ARB2A: variants seen among roughly 807,000 people sequenced by gnomAD.
The protein encoded by ARB2A is cotranscriptional regulator ARB2A.
chr5:93,945,393 C>T, the ARB2A span, among the ~76,000 whole-genome samples: 7 of 138,004 alleles, frequency 5.1e-5, no homozygotes, highest in African/African-American at 1.6e-4. Flanking sequence ...GCAGCCTGGG[C>T]GACAGAGCAA....
At chr5:93,868,278 C>A in the ARB2A span, among the ~76,000 whole-genome samples, 3 of 152,150 alleles carry the variant, frequency 2.0e-5, no homozygotes, top group Non-Finnish European at 4.4e-5. Context: ...TGTGATCATG[C>A]CACTGCACTC....
the ARB2A span, among the ~76,000 whole-genome samples, chr5:93,635,820 T>C: frequency 4.6e-5 from 7 of 152,206 alleles, no homozygotes; most frequent in African/African-American, 1.7e-4. Flanking sequence ...TACTGCCAAA[T>C]CATTTGGGGA....
At chr5:93,719,433 T>C in the ARB2A span, among the ~76,000 whole-genome samples, 1 of 152,218 alleles carries the variant, frequency 6.6e-6, no homozygotes, top group Non-Finnish European at 1.5e-5. Context: ...AGGTTAGTCA[T>C]TCTCATCTTT....
the ARB2A span, among the ~76,000 whole-genome samples, chr5:93,804,378 T>C: frequency 6.6e-6 from 1 of 151,972 alleles, no homozygotes; most frequent in Non-Finnish European, 1.5e-5. Context: ...CACTAAGAGT[T>C]TCCATATACT....
the ARB2A span, among the ~76,000 whole-genome samples, chr5:93,756,430 A>G: frequency 6.6e-6 from 1 of 152,172 alleles, no homozygotes; most frequent in African/African-American, 2.4e-5. Context: ...GCACAAAAAT[A>G]AAGCATTAAA....
the ARB2A span, among the ~76,000 whole-genome samples, chr5:94,081,849 G>A: frequency 1.3e-5 from 2 of 151,576 alleles, no homozygotes. Context: ...AATGCCAAAG[G>A]TCAAGGCAGT....
the ARB2A span, among the ~76,000 whole-genome samples, chr5:93,774,164 G>A: frequency 6.6e-6 from 1 of 152,154 alleles, no homozygotes; most frequent in Non-Finnish European, 1.5e-5. Context: ...AATTGATAAA[G>A]GTGTTCTGAC....
chr5:93,932,982 G>A, the ARB2A span, among the ~76,000 whole-genome samples: 174 of 152,256 alleles, frequency 1.1e-3, no homozygotes, highest in African/African-American at 4.0e-3. Flanking sequence ...CCATCAAAGA[G>A]TCAGCAAAGG....
the ARB2A span, among the ~76,000 whole-genome samples, chr5:93,856,154 C>T: frequency 6.6e-6 from 1 of 152,168 alleles, no homozygotes; most frequent in African/African-American, 2.4e-5. Flanking sequence ...GCCAAGAGAT[C>T]CGCTGTTAGT....
the ARB2A span, among the ~76,000 whole-genome samples, chr5:93,888,833 G>T: frequency 6.6e-6 from 1 of 151,588 alleles, no homozygotes; most frequent in African/African-American, 2.4e-5. Flanking sequence ...TGCTTGTGGT[G>T]CTAGAGTCCA....
the ARB2A span, among the ~76,000 whole-genome samples, chr5:93,849,397 T>C: frequency 6.6e-6 from 1 of 152,138 alleles, no homozygotes; most frequent in South Asian, 2.1e-4. Context: ...TGTACTAAAG[T>C]TAAGCACCTA....
chr5:94,065,330 A>G, the ARB2A span, among the ~76,000 whole-genome samples: 1 of 152,186 alleles, frequency 6.6e-6, no homozygotes, highest in South Asian at 2.1e-4. Context: ...CCTGGCCTAC[A>G]TGGTGAAACC....
chr5:94,001,051 T>A, the ARB2A span, among the ~76,000 whole-genome samples: 1 of 152,112 alleles, frequency 6.6e-6, no homozygotes, highest in Non-Finnish European at 1.5e-5. Context: ...CATTACTGTA[T>A]ATTTATAGTA....
At chr5:93,851,824 A>G in the ARB2A span, among the ~76,000 whole-genome samples, 16 of 151,750 alleles carry the variant, frequency 1.1e-4, no homozygotes, top group Admixed American at 2.6e-4. Context: ...TGGTGTATAT[A>G]TGCCACATTT....
chr5:93,740,984 C>T, the ARB2A span: 6 of 1,613,928 alleles, frequency 3.7e-6, no homozygotes, highest in Non-Finnish European at 5.1e-6. Flanking sequence ...AGAAGGTTCT[C>T]TGCTTCCACT....
chr5:93,942,627 T>C, the ARB2A span, among the ~76,000 whole-genome samples: 13 of 151,676 alleles, frequency 8.6e-5, no homozygotes, highest in Non-Finnish European at 1.5e-5. Context: ...GTTAAGTCAA[T>C]AACTACAAGA....
At chr5:94,101,587 C>T in the ARB2A span, among the ~76,000 whole-genome samples, 1 of 152,148 alleles carries the variant, frequency 6.6e-6, no homozygotes, top group African/African-American at 2.4e-5. Flanking sequence ...GGTAAATACA[C>T]ACCATGGAAT....
the ARB2A span, among the ~76,000 whole-genome samples, chr5:94,038,888 T>C: frequency 6.6e-6 from 1 of 152,028 alleles, no homozygotes; most frequent in Non-Finnish European, 1.5e-5. Flanking sequence ...TCTTCAATCT[T>C]GAGCATATCA....
chr5:93,879,778 C>T, the ARB2A span, among the ~76,000 whole-genome samples: 1 of 151,584 alleles, frequency 6.6e-6, no homozygotes, highest in African/African-American at 2.4e-5. Context: ...CTGTACATGT[C>T]ACAGGCAAAA....
Sources: allele counts gnomAD v4.1 joint callset (sites outside exome capture counted in the v4.1 genomes callset), GRCh38; gene constraint gnomAD v4.1.1; transcripts MANE v1.5; gene names NCBI Gene and HGNC (gene_info 2026-07-23, HGNC 2026-07-21).